The following SPOCK1 variants were observed in gnomAD, a reference collection of about 807,000 sequenced individuals.
SPOCK1 encodes the protein testican-1.
In SPOCK1, 23 loss-of-function variants were observed where a neutral mutation model predicts 55.3. That is an observed-to-expected ratio of 0.42 (90% CI 0.30 to 0.59). The LOEUF is 0.59. SPOCK1 is among the 20% of genes least tolerant of loss of function. The probability of loss-of-function intolerance (pLI) is 0.22; values close to 1 mark genes in which losing one functional copy is unlikely to be tolerated. For missense variants in SPOCK1, 499 were observed against 552.5 expected (o/e 0.90, Z 0.97); for synonymous variants, 226 against 221.0 (o/e 1.02, Z -0.20).
chr5:137,039,556 T>C (rs1243447111), intron 6 of SPOCK1, among the ~76,000 whole-genome samples: 1 of 152,226 alleles, frequency 6.6e-6, no homozygotes, highest in African/African-American at 2.4e-5. Context: ...ACCTGCTACC[T>C]GCCACCTCTC....
At chr5:137,335,787 T>G (rs1197751281) in intron 2 of SPOCK1, among the ~76,000 whole-genome samples, 1 of 152,238 alleles carries the variant, frequency 6.6e-6, no homozygotes, top group Non-Finnish European at 1.5e-5. Context: ...ACCAGTCCCC[T>G]GTTAACACAC....
intron 2 of SPOCK1, among the ~76,000 whole-genome samples, chr5:137,411,192 G>C (rs1303168722): frequency 6.6e-6 from 1 of 152,170 alleles, no homozygotes; most frequent in African/African-American, 2.4e-5. Flanking sequence ...AGTGTGAGCA[G>C]CTGGAACAGA....
intron 3 of SPOCK1, among the ~76,000 whole-genome samples, chr5:137,230,770 T>C (rs1756037225): frequency 7.5e-6 from 1 of 132,858 alleles, no homozygotes; most frequent in African/African-American, 3.1e-5. Context: ...TGTGGATTCA[T>C]ATGCAGTTGT....
chr5:137,407,422 G>A (rs1294786720), intron 2 of SPOCK1, among the ~76,000 whole-genome samples: 1 of 152,122 alleles, frequency 6.6e-6, no homozygotes, highest in Non-Finnish European at 1.5e-5. Context: ...TGAGACACAG[G>A]AACCCAGGGT....
intron 2 of SPOCK1, among the ~76,000 whole-genome samples, chr5:137,413,992 C>A (rs1752277161): frequency 6.6e-6 from 1 of 152,168 alleles, no homozygotes; most frequent in Non-Finnish European, 1.5e-5. Context: ...ACTTACAGGT[C>A]AAATAACCTG....
rs187733906 is a variant in SPOCK1, at chr5:137,205,171, T to C, written c.232+61839A>G. ...AGCAAGTTCATTCACTGCCATGTTGTCACTGTGTAGCACAGAATTTGGCAT... is the reference window on the plus strand; with the variant it reads ...AGCAAGTTCATTCACTGCCATGTTGCCACTGTGTAGCACAGAATTTGGCAT... On this transcript the variant is annotated intron_variant, in intron 3 of 10. Coordinates refer to ENST00000394945, the MANE Select transcript of SPOCK1 (RefSeq NM_004598.4). 2.0e-5 allele frequency among the ~76,000 whole-genome samples: 3 copies of C among 152,342 alleles called. No individual in the cohort carries two copies. The East Asian group carries it at 5.8e-4, about 29-fold the overall frequency.
At chr5:137,448,051 C>T (rs1173822240) in intron 2 of SPOCK1, among the ~76,000 whole-genome samples, 2 of 152,136 alleles carry the variant, frequency 1.3e-5, no homozygotes, top group African/African-American at 4.8e-5. Context: ...AGTTCGAGAC[C>T]AGACTGGCCA....
intron 3 of SPOCK1, among the ~76,000 whole-genome samples, chr5:137,236,680 G>C (rs770907131): frequency 2.6e-5 from 4 of 152,156 alleles, no homozygotes; most frequent in Non-Finnish European, 5.9e-5. Context: ...CTGGATTGGG[G>C]AGGGAATGGT....
chr5:137,240,559 A>C (rs1346454590), intron 3 of SPOCK1, among the ~76,000 whole-genome samples: 1 of 152,202 alleles, frequency 6.6e-6, no homozygotes, highest in African/African-American at 2.4e-5. Flanking sequence ...ACTGAGGATT[A>C]CAATTCAACA....
intron 2 of SPOCK1, among the ~76,000 whole-genome samples, chr5:137,401,341 C>A (rs1247556212): frequency 2.0e-5 from 3 of 152,118 alleles, no homozygotes; most frequent in Non-Finnish European, 4.4e-5. Flanking sequence ...AAGTGCTTAT[C>A]ATGTGCTAGT....
intron 2 of SPOCK1, among the ~76,000 whole-genome samples, chr5:137,269,573 T>C (rs1159746857): frequency 6.6e-6 from 1 of 152,176 alleles, no homozygotes. Context: ...GTATACGTGA[T>C]CACTCCTGCA....
At chr5:137,120,586 G>A (rs1316549136) in intron 4 of SPOCK1, among the ~76,000 whole-genome samples, 3 of 152,174 alleles carry the variant, frequency 2.0e-5, no homozygotes, top group South Asian at 4.1e-4. Context: ...ATGAGTAGGT[G>A]CAAATAAATT....
intron 3 of SPOCK1, among the ~76,000 whole-genome samples, chr5:137,194,949 C>T (rs1755270210): frequency 6.6e-6 from 1 of 152,176 alleles, no homozygotes; most frequent in Non-Finnish European, 1.5e-5. Context: ...CAGGTTTAAC[C>T]ACAATGAAAA....
intron 6 of SPOCK1, among the ~76,000 whole-genome samples, chr5:137,010,803 AT>A (rs1751334665): frequency 6.6e-6 from 1 of 152,158 alleles, no homozygotes; most frequent in Non-Finnish European, 1.5e-5. Flanking sequence ...ACATGCCGAA[AT>A]TGGGTCTCTG....
At chr5:137,485,150 C>T (rs1754029721) in intron 2 of SPOCK1, among the ~76,000 whole-genome samples, 1 of 152,094 alleles carries the variant, frequency 6.6e-6, no homozygotes, top group South Asian at 2.1e-4. Context: ...TCTTCAAATT[C>T]GGAAAAGAAC....
intron 2 of SPOCK1, among the ~76,000 whole-genome samples, chr5:137,309,401 C>A (rs190275793): frequency 6.6e-5 from 10 of 152,316 alleles, no homozygotes; most frequent in East Asian, 1.9e-4. Flanking sequence ...GGTCTCCAGG[C>A]CTTTGTCCTC....
At chr5:137,454,626 T>C (rs1332847681) in intron 2 of SPOCK1, among the ~76,000 whole-genome samples, 1 of 152,224 alleles carries the variant, frequency 6.6e-6, no homozygotes, top group Non-Finnish European at 1.5e-5. Flanking sequence ...CACAGTGATT[T>C]GTATTCTCAT....
intron 2 of SPOCK1, among the ~76,000 whole-genome samples, chr5:137,271,851 G>T (rs576263961): frequency 1.3e-5 from 2 of 152,102 alleles, no homozygotes; most frequent in Admixed American, 6.5e-5. Flanking sequence ...TCATGAAACC[G>T]ATCGTTTCTC....
intron 3 of SPOCK1, among the ~76,000 whole-genome samples, chr5:137,256,426 C>A (rs544765259): frequency 1.3e-5 from 2 of 152,132 alleles, no homozygotes; most frequent in African/African-American, 4.8e-5. Flanking sequence ...GATCAAGGGG[C>A]TGCATCTGGT....
Sources: allele counts gnomAD v4.1 joint callset (sites outside exome capture counted in the v4.1 genomes callset), GRCh38; gene constraint gnomAD v4.1.1; transcripts MANE v1.5; gene names NCBI Gene and HGNC (gene_info 2026-07-23, HGNC 2026-07-21).